LAMA3: variants seen among roughly 807,000 people sequenced by gnomAD.
LAMA3 encodes laminin subunit alpha 3, also known as laminin subunit alpha-3.
A neutral mutation model predicts 402.0 loss-of-function variants in LAMA3; 281 were observed. That is an observed-to-expected ratio of 0.70 (90% confidence interval 0.63 to 0.77). The LOEUF (loss-of-function observed/expected upper bound fraction) is 0.77. Ranked by LOEUF, LAMA3 falls within the 30% of genes least tolerant of loss-of-function variation. LAMA3 has a pLI of 0.00. For missense variants in LAMA3, 3,840 were observed against 4,215.5 expected, an observed-to-expected ratio of 0.91 and a Z score of 2.47; for synonymous variants, 1,431 against 1,558.4, an observed-to-expected ratio of 0.92 and a Z score of 1.93.
intron 12 of LAMA3, chr18:23,796,117 C>G: frequency 2.3e-6 from 1 of 433,992 alleles, no homozygotes; most frequent in Non-Finnish European, 4.6e-6. Flanking sequence ...TCCCAGCCTC[C>G]AGAACTGGAG....
In LAMA3 at chr18:23,749,402, A is replaced by C. The variant is rs777981675; in HGVS notation, c.566-26A>C. 7.8e-6 allele frequency: 9 copies of C among 1,147,750 alleles called. No individual in the cohort carries two copies. In the South Asian group the frequency reaches 1.2e-4, roughly 15 times the overall value. 71.1% of individuals were successfully genotyped at this position (1,147,750 alleles called of 1,614,324 possible). On this transcript the variant is annotated intron_variant, in intron 3 of 74. Coordinates refer to ENST00000313654, the MANE Select transcript of LAMA3 (RefSeq NM_198129.4). ...CAACAAAATGATAATATTTTGTTTT[A>C]TAATATTAAAATATTTTCCTTCTAG...
chr18:23,706,166 A>T (rs149104389), intron 1 of LAMA3, among the ~76,000 whole-genome samples: 15 of 152,222 alleles, frequency 9.9e-5, no homozygotes, highest in African/African-American at 2.9e-4. Flanking sequence ...TTTACTCATT[A>T]TTGCTTATAT....
At position 23,839,991 on chromosome 18, in the gene LAMA3, C is replaced by T. The variant is rs2063663089; in HGVS notation, c.3336+62C>T. ...ATGACCTCTGAAGCAGCAGCATCCA[C>T]ATCACTTGGAAACTTGTCAGCAATG... On this transcript the variant is annotated intron_variant, in intron 27 of 74. Transcript: ENST00000313654. The surrounding 1 kb of genome is among the most constrained non-coding windows in gnomAD (Gnocchi z 4.5). 6.4e-7 allele frequency: 1 copy of T among 1,563,626 alleles called. No homozygotes were observed. The highest frequency in any genetic ancestry group is 2.2e-5 in the East Asian group (1 of 44,646).
At chr18:23,921,081 A>T in intron 61 of LAMA3, 27 bp downstream of exon 61, 1 of 1,612,642 alleles carries the variant, frequency 6.2e-7, no homozygotes, top group Non-Finnish European at 8.5e-7. Flanking sequence ...TGTTTACTTG[A>T]ATCGTTAAAT....
intron 59 of LAMA3, 82 bp from the exon 60 acceptor site, chr18:23,916,469 A>G: frequency 6.7e-7 from 1 of 1,498,318 alleles, no homozygotes; most frequent in Non-Finnish European, 9.3e-7. Context: ...TTTTTCAGAT[A>G]GCAACATCTT....
chr18:23,866,727 G>A (rs1598954596), intron 36 of LAMA3, among the ~76,000 whole-genome samples: 1 of 152,130 alleles, frequency 6.6e-6, no homozygotes, highest in Non-Finnish European at 1.5e-5. Flanking sequence ...CTTCAAACAT[G>A]GAAAATAATT....
At chr18:23,698,222 T>TC (rs2060720556) in intron 1 of LAMA3, among the ~76,000 whole-genome samples, 2 of 147,362 alleles carry the variant, frequency 1.4e-5, no homozygotes, top group African/African-American at 5.0e-5. Flanking sequence ...TTTTTTTTTT[T>TC]TTGAGACGGA....
At chr18:23,860,261 CT>C (rs59852195) in intron 34 of LAMA3, among the ~76,000 whole-genome samples, 146 of 112,652 alleles carry the variant, frequency 1.3e-3, no homozygotes, top group East Asian at 2.8e-3. Context: ...CTTTTCTTTT[CT>C]TTTTTTTTTT....
chr18:23,904,051 C>T lies in LAMA3; in HGVS notation c.6437C>T (p.Ala2146Val), dbSNP rs762792768. The T allele has an allele frequency of 3.9e-5, 63 of 1,613,874 alleles. No homozygotes were observed. Among genetic ancestry groups the T allele is most frequent in the African/African-American group, 1.2e-4 (9 of 74,918 alleles). The change falls in exon 50 of 75, where the codon GCG becomes GTG. Residue 2146 changes from alanine (A) to valine (V), a missense_variant. Physicochemically the swap from Ala to Val is moderately conservative, Grantham distance 64 (BLOSUM62 0). Around this residue, in one of 3 missense-constraint regions of LAMA3, gnomAD observed 891 missense variants for 857.5 expected, o/e 1.04. Transcript: ENST00000313654. ...TSLVEEAEKH[A>V]RSLQELAKQL... ...CTTGTGGAGGAGGCAGAAAAGCACG[C>T]GCGGTCCTTACAAGAGCTGGCAAAG...
rs376134420 is a variant in LAMA3, at chr18:23,931,547, T to C, written c.8576+346T>C. ...AAATAAAATTTTAAAAATAAATCAG[T>C]TGGATGGATAAATTGTGGTGTATTC... On this transcript the variant is annotated intron_variant, in intron 65 of 74. Coordinates refer to ENST00000313654, the MANE Select transcript of LAMA3 (RefSeq NM_198129.4). The C allele has an allele frequency of 1.3e-4, 29 of 230,424 alleles. No homozygotes were observed. The East Asian group carries it at 2.7e-3, about 22-fold the overall frequency. The allele number at this position is 230,424 out of a possible 1,614,324, so 14.3% of individuals were successfully genotyped here.
chr18:23,823,794 C>T (rs2063330993), intron 20 of LAMA3, among the ~76,000 whole-genome samples: 1 of 152,180 alleles, frequency 6.6e-6, no homozygotes, highest in African/African-American at 2.4e-5. Flanking sequence ...TGTAGAAGGT[C>T]CTCTCTTTGT....
intron 7 of LAMA3, among the ~76,000 whole-genome samples, chr18:23,759,133 G>A (rs1181323109): frequency 1.3e-5 from 2 of 151,842 alleles, no homozygotes; most frequent in African/African-American, 2.4e-5. Flanking sequence ...GAGGCCAGGA[G>A]TTGGAAACCA....
At chr18:23,924,588 A>G (rs1599112464) in intron 62 of LAMA3, among the ~76,000 whole-genome samples, 1 of 127,006 alleles carries the variant, frequency 7.9e-6, no homozygotes, top group Non-Finnish European at 1.6e-5. Context: ...CTTGTTGCCC[A>G]GGCTGGAATG....
In LAMA3 at chr18:23,943,736, C is replaced by T. The variant is rs1016155480; in HGVS notation, c.9027-52C>T. The T allele has an allele frequency of 1.0e-5, 16 of 1,558,132 alleles. No individual in the cohort carries two copies. The African/African-American group carries it at 1.1e-4, about 11-fold the overall frequency. ...CACCCTCTGTCTCAGTGCTGAGATT[C>T]GAAGGAACGCTGAACACCTCTATTT... On this transcript the variant is annotated intron_variant, in intron 68 of 74. Transcript: ENST00000313654.
At chr18:23,952,352 T>C (rs1248672744) in intron 73 of LAMA3, among the ~76,000 whole-genome samples, 4 of 152,248 alleles carry the variant, frequency 2.6e-5, no homozygotes, top group Admixed American at 2.6e-4. Context: ...AACCATTTAA[T>C]ATTAATGCTA....
At position 23,788,959 on chromosome 18, in the gene LAMA3, T is replaced by C. The variant is rs56394808; in HGVS notation, c.1603+4802T>C. ...AAAATAATCCATATATATGGATATA[T>C]TATTTTTACAACTCAATACTTAAAA... On this transcript the variant is annotated intron_variant, in intron 12 of 74. Transcript: ENST00000313654. 3.2e-3 allele frequency among the ~76,000 whole-genome samples: 493 copies of C among 151,760 alleles called. 1 individual carries two copies. Among genetic ancestry groups the C allele is most frequent in the African/African-American group, 0.011 (472 of 41,486 alleles).
In LAMA3 at chr18:23,689,487, G is replaced by A. The variant is rs1007915301; in HGVS notation, c.-197G>A. ...TCCGGCTGGTGCCCGCTCCAGCCGC[G>A]GCAGGTTCCAGAGCTGAGAGGCCAC... On this transcript the variant is annotated 5_prime_UTR_variant, in exon 1 of 75. Transcript: ENST00000313654. 1 of 416,080 alleles carries A rather than the reference G, an allele frequency of 2.4e-6. No homozygotes were observed. The highest frequency in any genetic ancestry group is 4.0e-6 in the Non-Finnish European group (1 of 250,700). 25.8% of individuals were successfully genotyped at this position (416,080 alleles called of 1,614,324 possible). A position where few individuals can be genotyped will look rare whatever the true frequency, so the allele number is the denominator to read the frequency against.
intron 12 of LAMA3, among the ~76,000 whole-genome samples, chr18:23,791,350 A>G (rs1285821821): frequency 6.6e-6 from 1 of 152,204 alleles, no homozygotes; most frequent in Non-Finnish European, 1.5e-5. Flanking sequence ...AGATACAGTT[A>G]CTTTTTAAAG....
intron 55 of LAMA3, among the ~76,000 whole-genome samples, chr18:23,912,254 C>T (rs1186720993): frequency 1.3e-5 from 2 of 151,270 alleles, no homozygotes; most frequent in Non-Finnish European, 2.9e-5. Flanking sequence ...CCACCTCAGC[C>T]TCCCAAAGTG....
Sources: allele counts gnomAD v4.1 joint callset (sites outside exome capture counted in the v4.1 genomes callset), GRCh38; gene constraint gnomAD v4.1.1; regional missense constraint gnomAD v4.1.1; non-coding constraint Gnocchi (gnomAD v3.1); transcripts MANE v1.5; gene names NCBI Gene and HGNC (gene_info 2026-07-23, HGNC 2026-07-21).